FREM2: variants seen among roughly 807,000 people sequenced by gnomAD.
The protein encoded by FREM2 is FRAS1-related extracellular matrix protein 2.
A neutral mutation model predicts 219.9 loss-of-function variants in FREM2; 119 were observed. The observed-to-expected ratio is 0.54, with a 90% CI of 0.47 to 0.63. FREM2 has a LOEUF of 0.63. FREM2 is among the 30% of genes least tolerant of loss of function. The probability of loss-of-function intolerance (pLI) is 0.00; values close to 1 mark genes in which losing one functional copy is unlikely to be tolerated. For missense variants in FREM2, 4,030 were observed against 3,993.6 expected (o/e 1.01, Z -0.25); for synonymous variants, 1,562 against 1,522.8 (o/e 1.03, Z -0.60).
chr13:38,885,264 A>T lies in FREM2; in HGVS notation c.*4477A>T, dbSNP rs1473757927. On this transcript the variant is annotated 3_prime_UTR_variant, in exon 24 of 24. Transcript: ENST00000280481. ...GAACTAGTGTTGACAAAATACACTA[A>T]TGTCTTTCTTAATTTTATTTTATTA... is the stretch of plus-strand genomic sequence containing the variant. 2 of 152,190 alleles carry T rather than the reference A, an allele frequency of 1.3e-5. No homozygotes were observed. The highest frequency in any genetic ancestry group is 2.9e-5 in the Non-Finnish European group (2 of 68,016). The allele number at this position is 152,190 out of a possible 1,614,324, so 9.4% of individuals were successfully genotyped here. A position where few individuals can be genotyped will look rare whatever the true frequency, so the allele number is the denominator to read the frequency against.
At chr13:38,783,473 T>TAAAAAAAA (rs141521145) in intron 5 of FREM2, among the ~76,000 whole-genome samples, 3 of 124,064 alleles carry the variant, frequency 2.4e-5, no homozygotes, top group Non-Finnish European at 3.4e-5. Context: ...GGTTACTATA[T>TAAAAAAAA]AAAAAAAAAA....
chr13:38,801,837 A>G (rs1282252734), intron 6 of FREM2, among the ~76,000 whole-genome samples: 1 of 152,104 alleles, frequency 6.6e-6, no homozygotes, highest in Admixed American at 6.5e-5. Flanking sequence ...CTCAGATGCT[A>G]TCAGTGGCAG....
chr13:38,770,769 A>G lies in FREM2; in HGVS notation c.5641+961A>G, dbSNP rs1873629812. On this transcript the variant is annotated intron_variant, in intron 4 of 23. Transcript: ENST00000280481. The stretch of plus-strand genomic sequence containing the variant: ...ACCTTGGCTGATGCTGGTAAAAGTG[A>G]ACCTTAATGCTTTTGTGTGTAATTT... Among the ~76,000 whole-genome samples, 4 of 151,212 alleles carry G rather than the reference A, an allele frequency of 2.6e-5. No individual in the cohort carries two copies. The South Asian group carries it at 6.3e-4, about 24-fold the overall frequency.
At position 38,688,354 on chromosome 13, in the gene FREM2, C is replaced by G. The variant is rs764655514; in HGVS notation, c.1010C>G (p.Ala337Gly). Residue 337 changes from alanine to glycine, a missense_variant, in exon 1 of 24, where the codon GCC (alanine) becomes GGC (glycine). Transcript: ENST00000280481. ...MMEVDQFVLT[A>G]LTPDMLAAED... ...GAGGTGGACCAGTTTGTACTGACGGCCCTGACCCCAGACATGCTGGCAGCC... is the reference window on the plus strand; with the variant it reads ...GAGGTGGACCAGTTTGTACTGACGGGCCTGACCCCAGACATGCTGGCAGCC... 1.2e-6 allele frequency: 2 copies of G among 1,614,052 alleles called. No individual in the cohort carries two copies. Among genetic ancestry groups the G allele is most frequent in the African/African-American group, 2.7e-5 (2 of 74,934 alleles).
At chr13:38,791,389 A>G (rs945352778) in intron 6 of FREM2, among the ~76,000 whole-genome samples, 1 of 152,148 alleles carries the variant, frequency 6.6e-6, no homozygotes, top group Admixed American at 6.5e-5. Context: ...CACCATCCCT[A>G]AAAGTGCATG....
rs768342700 is a variant in FREM2 at position 38,856,198 on chromosome 13, TGAGA to T, written c.7002_7005del (p.Glu2335ProfsTer6). On this transcript the variant is annotated frameshift_variant, in exon 12 of 24. Coordinates refer to ENST00000280481, the MANE Select transcript of FREM2 (RefSeq NM_207361.6). LOFTEE classifies it high-confidence loss of function. Reference sequence around the variant, plus strand: ...GTTACCTTTGACGGGGTGAGAGAGATGAGAGAGGCCTTCACTGTTCACCTAAAAC... The same window carrying T: ...GTTACCTTTGACGGGGTGAGAGAGATGAGGCCTTCACTGTTCACCTAAAAC... 2 of 1,612,468 alleles carry T rather than the reference TGAGA, an allele frequency of 1.2e-6. No homozygotes were observed. The highest frequency in any genetic ancestry group is 1.3e-5 in the African/African-American group (1 of 74,850).
At chr13:38,765,603 C>T (rs1318474233) in intron 3 of FREM2, among the ~76,000 whole-genome samples, 3 of 151,984 alleles carry the variant, frequency 2.0e-5, no homozygotes, top group Non-Finnish European at 4.4e-5. Flanking sequence ...CTCCCTGACA[C>T]CCCCACACAT....
intron 6 of FREM2, among the ~76,000 whole-genome samples, chr13:38,834,457 T>C (rs996444950): frequency 1.3e-5 from 2 of 152,190 alleles, no homozygotes; most frequent in Non-Finnish European, 2.9e-5. Context: ...AATCTTTGGC[T>C]ATATACCCAG....
chr13:38,738,057 G>T (rs1226688787), intron 2 of FREM2, among the ~76,000 whole-genome samples: 2 of 152,134 alleles, frequency 1.3e-5, no homozygotes, highest in African/African-American at 2.4e-5. Flanking sequence ...TGAGGACTTT[G>T]TTGCTGATTA....
intron 16 of FREM2, among the ~76,000 whole-genome samples, chr13:38,867,101 A>G (rs752994683): frequency 2.6e-5 from 4 of 152,166 alleles, no homozygotes; most frequent in Admixed American, 1.3e-4. Flanking sequence ...CTGCTTCTCT[A>G]TTGGAACTGA....
intron 2 of FREM2, among the ~76,000 whole-genome samples, chr13:38,733,042 A>G (rs969907161): frequency 6.6e-6 from 1 of 152,166 alleles, no homozygotes; most frequent in African/African-American, 2.4e-5. Flanking sequence ...GTTGTTTTTT[A>G]GTTACTTAAG....
At chr13:38,807,786 A>C (rs1437488042) in intron 6 of FREM2, among the ~76,000 whole-genome samples, 1 of 151,970 alleles carries the variant, frequency 6.6e-6, no homozygotes, top group Non-Finnish European at 1.5e-5. Context: ...TACAGAGCAC[A>C]GAGTAAATTT....
intron 6 of FREM2, among the ~76,000 whole-genome samples, chr13:38,817,589 TA>T (rs1875818365): frequency 6.6e-6 from 1 of 151,992 alleles, no homozygotes; most frequent in African/African-American, 2.4e-5. Context: ...GATCTTAGTG[TA>T]AAATCTGAAG....
intron 20 of FREM2, 117 bp downstream of exon 20, chr13:38,876,499 G>A: frequency 1.1e-6 from 1 of 891,884 alleles, no homozygotes; most frequent in Non-Finnish European, 1.8e-6. Context: ...ATGCTGAAAA[G>A]AAAAGAAATC....
intron 2 of FREM2, among the ~76,000 whole-genome samples, chr13:38,743,822 G>C (rs775377944): frequency 6.6e-6 from 1 of 152,006 alleles, no homozygotes. Context: ...CTGTATCTAC[G>C]TCCCTAGCGT....
chr13:38,844,275 CTCTT>C (rs1001620306), intron 6 of FREM2, among the ~76,000 whole-genome samples: 5 of 152,106 alleles, frequency 3.3e-5, no homozygotes, highest in African/African-American at 1.2e-4. Context: ...CCACCCCCGC[CTCTT>C]TCTTTCTCTC....
chr13:38,706,821 A>G (rs1381670593), intron 2 of FREM2, among the ~76,000 whole-genome samples: 2 of 152,184 alleles, frequency 1.3e-5, no homozygotes, highest in African/African-American at 2.4e-5. Context: ...ACAATATCCC[A>G]ATGAGTTCAA....
chr13:38,689,536 T>G lies in FREM2; in HGVS notation c.2192T>G (p.Leu731Arg), dbSNP rs372181812. Residue 731 changes from leucine (L) to arginine (R), a missense_variant, in exon 1 of 24, where the codon CTG becomes CGG. By Grantham distance (102) the Leu-to-Arg change is moderately radical. Coordinates refer to ENST00000280481, the MANE Select transcript of FREM2 (RefSeq NM_207361.6). ...LRKKWLRYTD[L>R]DTDDRELRYT... ...AAGAAGTGGCTGCGCTACACTGACC[T>G]GGACACAGATGACCGAGAACTACGT... 2 of 1,613,818 alleles carry G rather than the reference T, an allele frequency of 1.2e-6. No homozygotes were observed. The highest frequency in any genetic ancestry group is 2.7e-5 in the African/African-American group (2 of 74,888).
intron 6 of FREM2, among the ~76,000 whole-genome samples, chr13:38,844,182 A>T (rs1213159948): frequency 6.6e-6 from 1 of 152,158 alleles, no homozygotes; most frequent in East Asian, 1.9e-4. Context: ...AGATAACAAT[A>T]TATTATGCAA....
Sources: allele counts gnomAD v4.1 joint callset (sites outside exome capture counted in the v4.1 genomes callset), GRCh38; gene constraint gnomAD v4.1.1; transcripts MANE v1.5; gene names NCBI Gene and HGNC (gene_info 2026-07-23, HGNC 2026-07-21).